The following CADM1 variants were observed in gnomAD, a reference collection of about 807,000 sequenced individuals.
The protein encoded by CADM1 is cell adhesion molecule 1.
CADM1 carries 15 observed loss-of-function variants against 53.1 expected under a neutral mutation model. The observed-to-expected ratio is 0.28, with a 90% CI of 0.19 to 0.44. CADM1 has a LOEUF of 0.44. CADM1 is among the 20% of genes least tolerant of loss of function. CADM1 has a pLI of 1.00. For synonymous variants in CADM1, 281 were observed against 243.0 expected (o/e 1.16, Z -1.45); for missense variants, 434 against 611.3 (o/e 0.71, Z 3.06).
chr11:115,233,355 C>T (rs996091989), intron 3 of CADM1, among the ~76,000 whole-genome samples: 13 of 152,114 alleles, frequency 8.5e-5, no homozygotes, highest in African/African-American at 3.1e-4. Flanking sequence ...TTCACATCTG[C>T]TAGCATTTTA....
intron 1 of CADM1, among the ~76,000 whole-genome samples, chr11:115,261,957 T>A (rs1942987422): frequency 6.6e-6 from 1 of 152,124 alleles, no homozygotes; most frequent in Admixed American, 6.5e-5. Flanking sequence ...TTTTTTGTAT[T>A]TTTAGTAGAG....
chr11:115,274,199 T>C (rs551333978), intron 1 of CADM1, among the ~76,000 whole-genome samples: 1 of 152,370 alleles, frequency 6.6e-6, no homozygotes, highest in East Asian at 1.9e-4. Flanking sequence ...AATCTCTTAA[T>C]GGAGTTCTGT....
chr11:115,191,473 C>T (rs141684156), intron 9 of CADM1, among the ~76,000 whole-genome samples: 61 of 152,240 alleles, frequency 4.0e-4, no homozygotes, highest in Non-Finnish European at 6.0e-4. Flanking sequence ...AAATCTGATT[C>T]GCAAAATGAT....
chr11:115,426,447 G>T (rs1261306743), intron 1 of CADM1, among the ~76,000 whole-genome samples: 2 of 152,092 alleles, frequency 1.3e-5, no homozygotes, highest in Admixed American at 1.3e-4. Flanking sequence ...ACTGTAGCTT[G>T]ACCACTGGCC....
At chr11:115,377,389 T>G (rs1315314286) in intron 1 of CADM1, 2 of 152,258 alleles carry the variant, frequency 1.3e-5, no homozygotes, top group East Asian at 1.9e-4. Context: ...GGACTAAAAA[T>G]AAATGAATAA....
At chr11:115,333,581 A>G (rs1387123556) in intron 1 of CADM1, 2 of 152,188 alleles carry the variant, frequency 1.3e-5, no homozygotes, top group East Asian at 1.9e-4. Flanking sequence ...AGCATCCATG[A>G]TTCCTCAAAG....
At chr11:115,434,867 T>A (rs886256907) in intron 1 of CADM1, among the ~76,000 whole-genome samples, 22 of 147,010 alleles carry the variant, frequency 1.5e-4, no homozygotes, top group Admixed American at 5.4e-4. Flanking sequence ...ATTATTATTT[T>A]TTTTTTTTTT....
At chr11:115,269,230 A>G (rs78534129) in intron 1 of CADM1, among the ~76,000 whole-genome samples, 138 of 152,258 alleles carry the variant, frequency 9.1e-4, no homozygotes, top group African/African-American at 3.1e-3. Context: ...ATGGCAGGAT[A>G]GAGGCCCCAA....
intron 1 of CADM1, among the ~76,000 whole-genome samples, chr11:115,426,619 C>T (rs1947900206): frequency 6.6e-6 from 1 of 152,180 alleles, no homozygotes; most frequent in African/African-American, 2.4e-5. Flanking sequence ...TCTCTTTCCG[C>T]TAAGACAAGG....
chr11:115,242,918 T>C (rs1484235024), intron 1 of CADM1, among the ~76,000 whole-genome samples: 4 of 152,196 alleles, frequency 2.6e-5, no homozygotes, highest in African/African-American at 9.6e-5. Flanking sequence ...TTTAGCTCTT[T>C]ATTGAAATCC....
At chr11:115,459,879 C>T (rs567050386) in intron 1 of CADM1, among the ~76,000 whole-genome samples, 109 of 152,290 alleles carry the variant, frequency 7.2e-4, no homozygotes, top group Admixed American at 1.4e-3. Context: ...CCATAACACT[C>T]AGACTTTCTG....
intron 1 of CADM1, among the ~76,000 whole-genome samples, chr11:115,307,515 A>AT (rs1045833980): frequency 7.6e-5 from 9 of 117,804 alleles, no homozygotes; most frequent in African/African-American, 2.6e-4. Context: ...CAGGAAAAAA[A>AT]AAATATATAT....
Position 115,174,802 on chromosome 11 carries a change from A to T in CADM1, c.*1672T>A. 1.0e-6 allele frequency: 1 copy of T among 964,388 alleles called. No homozygotes were observed. The highest frequency in any genetic ancestry group is 4.8e-5 in the South Asian group (1 of 20,876). 59.7% of individuals were successfully genotyped at this position (964,388 alleles called of 1,614,324 possible). The stretch of plus-strand genomic sequence containing the variant: ...ATGCCATCTTTCCATAGGGACTGTT[A>T]GCTGGAGTCTGGAGTCTTACCAAAC... On this transcript the variant is annotated 3_prime_UTR_variant, in exon 12 of 12. Coordinates refer to ENST00000331581, the MANE Select transcript of CADM1 (RefSeq NM_001301043.2).
At chr11:115,289,907 T>A (rs1276630056) in intron 1 of CADM1, among the ~76,000 whole-genome samples, 1 of 152,230 alleles carries the variant, frequency 6.6e-6, no homozygotes, top group Non-Finnish European at 1.5e-5. Flanking sequence ...GAATTTTTAA[T>A]TGTATTGAAT....
chr11:115,496,390 G>A (rs1052455994), intron 1 of CADM1, among the ~76,000 whole-genome samples: 1 of 152,202 alleles, frequency 6.6e-6, no homozygotes, highest in Non-Finnish European at 1.5e-5. Flanking sequence ...TTATGCAAAG[G>A]TAACCAGCTG....
intron 1 of CADM1, among the ~76,000 whole-genome samples, chr11:115,477,579 T>C (rs1014236224): frequency 3.3e-5 from 5 of 152,248 alleles, no homozygotes; most frequent in African/African-American, 1.2e-4. Flanking sequence ...CATCACTGTA[T>C]TGAAACAGTA....
intron 1 of CADM1, among the ~76,000 whole-genome samples, chr11:115,347,704 A>G (rs1945617209): frequency 6.6e-6 from 1 of 152,216 alleles, no homozygotes; most frequent in Non-Finnish European, 1.5e-5. Context: ...CTATATAAAA[A>G]CATGTACATT....
chr11:115,440,126 C>T (rs749112328), intron 1 of CADM1, among the ~76,000 whole-genome samples: 4 of 152,210 alleles, frequency 2.6e-5, no homozygotes, highest in Non-Finnish European at 4.4e-5. Flanking sequence ...TTAAAATTTC[C>T]ATCCACACAT....
intron 1 of CADM1, chr11:115,333,527 A>T (rs905108646): frequency 2.0e-5 from 3 of 152,212 alleles, no homozygotes; most frequent in African/African-American, 7.2e-5. Context: ...GTTTTCTCAA[A>T]AACACACATC....
Sources: allele counts gnomAD v4.1 joint callset (sites outside exome capture counted in the v4.1 genomes callset), GRCh38; gene constraint gnomAD v4.1.1; transcripts MANE v1.5; gene names NCBI Gene and HGNC (gene_info 2026-07-23, HGNC 2026-07-21).